Variants in ARHGAP42 observed in about 807,000 individuals in gnomAD.
ARHGAP42 encodes rho GTPase-activating protein 42.
Under a neutral mutation model 125.0 loss-of-function variants are expected in ARHGAP42, and 63 were observed. That is an observed-to-expected ratio of 0.50 (90% CI 0.41 to 0.62). The LOEUF is 0.62. Ranked by LOEUF, ARHGAP42 falls within the 20% of genes least tolerant of loss-of-function variation. The pLI is 0.00. For missense variants in ARHGAP42, 766 were observed against 1,024.2 expected (o/e 0.75, Z 3.44); for synonymous variants, 339 against 351.0 (o/e 0.97, Z 0.38).
chr11:100,975,327 C>T (rs1019699314), intron 19 of ARHGAP42, among the ~76,000 whole-genome samples: 3 of 152,154 alleles, frequency 2.0e-5, no homozygotes, highest in Admixed American at 6.5e-5. Context: ...CTATGTTCTC[C>T]ACAAATATGC....
chr11:100,911,176 G>A (rs767605408), intron 4 of ARHGAP42, among the ~76,000 whole-genome samples: 4 of 152,178 alleles, frequency 2.6e-5, no homozygotes, highest in Non-Finnish European at 5.9e-5. Flanking sequence ...AGTTAGGACT[G>A]TTTGTACAGA....
intron 1 of ARHGAP42, among the ~76,000 whole-genome samples, chr11:100,716,428 G>A (rs985379375): frequency 5.3e-5 from 8 of 152,184 alleles, no homozygotes; most frequent in African/African-American, 1.9e-4. Context: ...AACAAATGCT[G>A]TTGGTAATTA....
rs532325041 is a variant in ARHGAP42, at chr11:100,759,734, T to C, written c.155-10609T>C. On this transcript the variant is annotated intron_variant, in intron 1 of 23. Transcript: ENST00000298815. ...GTCTGGGGACATAGCCCAAACTGGC[T>C]GCCTCAGAGGAAATATCAGGTACAA... 2.0e-5 allele frequency among the ~76,000 whole-genome samples: 3 copies of C among 152,298 alleles called. No individual in the cohort carries two copies. In the East Asian group the frequency reaches 5.8e-4, roughly 29 times the overall value.
At chr11:100,895,560 T>C (rs1404763176) in intron 4 of ARHGAP42, among the ~76,000 whole-genome samples, 1 of 150,486 alleles carries the variant, frequency 6.6e-6, no homozygotes, top group Admixed American at 6.7e-5. Flanking sequence ...GGAAGCCAGC[T>C]GAGGTCATTC....
chr11:100,950,058 T>TG, intron 12 of ARHGAP42, 102 bp downstream of exon 12: 2 of 616,588 alleles, frequency 3.2e-6, no homozygotes, highest in South Asian at 3.4e-5. Context: ...TATAACACCA[T>TG]TGATCTCATG....
intron 1 of ARHGAP42, among the ~76,000 whole-genome samples, chr11:100,759,510 C>A (rs968434986): frequency 6.6e-6 from 1 of 152,122 alleles, no homozygotes; most frequent in African/African-American, 2.4e-5. Flanking sequence ...TGGAGGGGTT[C>A]TCTGCCCTCC....
At chr11:100,701,151 T>A (rs1277033853) in intron 1 of ARHGAP42, among the ~76,000 whole-genome samples, 1 of 152,148 alleles carries the variant, frequency 6.6e-6, no homozygotes, top group African/African-American at 2.4e-5. Flanking sequence ...AACTTTTTTT[T>A]TTTTTTTTTC....
At chr11:100,774,776 G>A (rs1167568937) in intron 2 of ARHGAP42, among the ~76,000 whole-genome samples, 1 of 152,178 alleles carries the variant, frequency 6.6e-6, no homozygotes, top group Non-Finnish European at 1.5e-5. Context: ...GTTCTGGGAG[G>A]GTGTTTGATG....
chr11:100,946,818 C>T (rs1868033351), intron 10 of ARHGAP42, among the ~76,000 whole-genome samples: 1 of 151,968 alleles, frequency 6.6e-6, no homozygotes, highest in Non-Finnish European at 1.5e-5. Flanking sequence ...GATACAGAGA[C>T]ACGATGTGAG....
intron 1 of ARHGAP42, among the ~76,000 whole-genome samples, chr11:100,751,279 G>GTT (rs71465331): frequency 8.7e-4 from 81 of 93,430 alleles, no homozygotes; most frequent in African/African-American, 1.3e-3. Context: ...GTGTGTGTGT[G>GTT]TTTTTTTTTT....
intron 12 of ARHGAP42, 140 bp from the exon 13 acceptor site, chr11:100,959,739 AAGTC>A: frequency 1.5e-6 from 1 of 675,394 alleles, no homozygotes; most frequent in Admixed American, 2.7e-5. Context: ...CCAAAATAAA[AAGTC>A]AGCCTCTAAC....
chr11:100,869,891 GA>G (rs1865660026), intron 4 of ARHGAP42, among the ~76,000 whole-genome samples: 1 of 152,028 alleles, frequency 6.6e-6, no homozygotes, highest in African/African-American at 2.4e-5. Flanking sequence ...CAATACTTAA[GA>G]AATGTTTGAA....
chr11:100,957,963 T>G (rs1857848037), intron 12 of ARHGAP42, among the ~76,000 whole-genome samples: 1 of 152,122 alleles, frequency 6.6e-6, no homozygotes, highest in Non-Finnish European at 1.5e-5. Context: ...TATTGAAATT[T>G]TTTTAAATGG....
chr11:100,773,214 A>G (rs1373968460), intron 2 of ARHGAP42, among the ~76,000 whole-genome samples: 1 of 152,212 alleles, frequency 6.6e-6, no homozygotes, highest in African/African-American at 2.4e-5. Flanking sequence ...TTTTAGCCTT[A>G]GCGCTTGACC....
chr11:100,853,530 A>G (rs2135131438), intron 3 of ARHGAP42, among the ~76,000 whole-genome samples: 1 of 152,310 alleles, frequency 6.6e-6, no homozygotes, highest in South Asian at 2.1e-4. Flanking sequence ...TGTGGTTCAA[A>G]TAACTTAGTA....
chr11:100,895,546 C>G (rs1866331705), intron 4 of ARHGAP42, among the ~76,000 whole-genome samples: 1 of 143,260 alleles, frequency 7.0e-6, no homozygotes, highest in Non-Finnish European at 1.5e-5. Flanking sequence ...GGAGGAGGGT[C>G]AGAGGAAGCC....
chr11:100,857,162 G>GT (rs1481544972), intron 3 of ARHGAP42, among the ~76,000 whole-genome samples: 1 of 150,682 alleles, frequency 6.6e-6, no homozygotes, highest in Non-Finnish European at 1.5e-5. Context: ...TTTTTTTTCT[G>GT]TTTAATACCT....
At chr11:100,838,626 A>G (rs1184461551) in intron 3 of ARHGAP42, among the ~76,000 whole-genome samples, 14 of 152,070 alleles carry the variant, frequency 9.2e-5, no homozygotes, top group Admixed American at 9.2e-4. Context: ...CCAGGAGGTC[A>G]AGGTTACAGT....
rs561314380 is a variant in ARHGAP42 at position 100,811,198 on chromosome 11, C to T, written c.312+16032C>T. ...CTCAAAGTCCTGACCTCAGGTGATC[C>T]GCCCACCTCAGCCTCCCAAAGTGCT... On this transcript the variant is annotated intron_variant, in intron 3 of 23. Transcript: ENST00000298815. 6.2e-4 allele frequency among the ~76,000 whole-genome samples: 95 copies of T among 152,212 alleles called. No homozygotes were observed. In the Middle Eastern group the frequency reaches 0.01, roughly 16 times the overall value.
Sources: allele counts gnomAD v4.1 joint callset (sites outside exome capture counted in the v4.1 genomes callset), GRCh38; gene constraint gnomAD v4.1.1; transcripts MANE v1.5; gene names NCBI Gene and HGNC (gene_info 2026-07-23, HGNC 2026-07-21).